The following CFHR1 variants were observed in gnomAD, a reference collection of about 807,000 sequenced individuals.
CFHR1 encodes complement factor H-related protein 1.
CFHR1 carries 22 observed loss-of-function variants against 30.4 expected under a neutral mutation model. The ratio of observed to expected loss-of-function variants is 0.72; its 90% confidence interval spans 0.52 to 1.03. CFHR1 has a LOEUF of 1.03. CFHR1 is among the 50% of genes least tolerant of loss of function. The pLI is 0.00. For missense variants in CFHR1, 248 were observed against 380.6 expected, an observed-to-expected ratio of 0.65 and a Z score of 2.90; for synonymous variants, 95 against 129.1, an observed-to-expected ratio of 0.74 and a Z score of 1.79.
rs1655465787 is a variant in CFHR1 at position 196,829,594 on chromosome 1, A to C, written c.608-906A>C. Among the ~76,000 whole-genome samples, 2 of 134,866 alleles carry C rather than the reference A, an allele frequency of 1.5e-5. 1 individual carries two copies. The highest frequency in any genetic ancestry group is 1.4e-4 in the Admixed American group (2 of 14,046). 88.5% of individuals were successfully genotyped at this position (134,866 alleles called of 152,430 possible). On this transcript the variant is annotated intron_variant, in intron 4 of 5. Coordinates refer to ENST00000320493, the MANE Select transcript of CFHR1 (RefSeq NM_002113.3). Reference sequence around the variant, plus strand: ...TAAAAGATCGTGTCACTGGATATCAAATTTGGAGTTGACAGTTCTTTGAAC... The same window carrying C: ...TAAAAGATCGTGTCACTGGATATCACATTTGGAGTTGACAGTTCTTTGAAC...
intron 1 of CFHR1, among the ~76,000 whole-genome samples, chr1:196,822,630 G>A (rs385537): frequency 0.49 from 65,656 of 133,068 alleles, 22,677 homozygotes; most frequent in African/African-American, 0.66. Context: ...TTGTCCCACT[G>A]GAAGGTCTTC....
At chr1:196,824,216 T>C (rs1352626030) in intron 1 of CFHR1, among the ~76,000 whole-genome samples, 3 of 133,518 alleles carry the variant, frequency 2.2e-5, no homozygotes, top group Non-Finnish European at 4.7e-5. Flanking sequence ...GTAGTATTTG[T>C]ACATAACCTG....
intron 5 of CFHR1, among the ~76,000 whole-genome samples, chr1:196,830,990 G>A (rs367626): frequency 0.47 from 61,030 of 130,052 alleles, 20,234 homozygotes; most frequent in African/African-American, 0.58. Context: ...AATAATAACC[G>A]GCATGGTGAC....
In CFHR1 at chr1:196,825,196, G is replaced by A. The variant is rs544058688; in HGVS notation, c.59-281G>A. On this transcript the variant is annotated intron_variant, in intron 1 of 5. Coordinates refer to ENST00000320493, the MANE Select transcript of CFHR1 (RefSeq NM_002113.3). The stretch of plus-strand genomic sequence containing the variant: ...ACTCTGTCTTCATTCTTAAATTGTT[G>A]TGTGTGGGTTTTATTCTTGAAGACA... 51 of 290,060 alleles carry A rather than the reference G, an allele frequency of 1.8e-4. 7 individuals carry two copies. Among genetic ancestry groups the A allele is most frequent in the Middle Eastern group, 2.6e-3 (2 of 760 alleles). 18.0% of individuals were successfully genotyped at this position (290,060 alleles called of 1,614,324 possible). A position where few individuals can be genotyped will look rare whatever the true frequency, so the allele number is the denominator to read the frequency against.
intron 3 of CFHR1, among the ~76,000 whole-genome samples, chr1:196,827,214 C>A (rs1310612243): frequency 7.4e-6 from 1 of 135,228 alleles, no homozygotes; most frequent in East Asian, 2.0e-4. Flanking sequence ...GTCGCTAAAC[C>A]GGTAGCATCA....
intron 4 of CFHR1, among the ~76,000 whole-genome samples, chr1:196,830,036 C>T (rs1655482479): frequency 7.4e-6 from 1 of 134,902 alleles, no homozygotes; most frequent in Admixed American, 7.1e-5. Flanking sequence ...ATTTGTCTGT[C>T]AGCTCCCCAT....
chr1:196,823,948 C>A (rs1406619835), intron 1 of CFHR1, among the ~76,000 whole-genome samples: 1 of 133,860 alleles, frequency 7.5e-6, no homozygotes, highest in Non-Finnish European at 1.6e-5. Context: ...TGTGAAAAAC[C>A]TGTAAATAAA....
In CFHR1 at chr1:196,825,804, C is replaced by T. The variant is rs1480378266; in HGVS notation, c.253+133C>T. On this transcript the variant is annotated intron_variant, in intron 2 of 5. Transcript: ENST00000320493. ...GCTGGAAAGATGGGAGATGTAGTCC[C>T]CCTATTTTGAGATGCCTCCTATAAG... 21 of 912,948 alleles carry T rather than the reference C, an allele frequency of 2.3e-5. 1 individual carries two copies. Among genetic ancestry groups the T allele is most frequent in the Non-Finnish European group, 2.9e-5 (18 of 611,734 alleles). 56.6% of individuals were successfully genotyped at this position (912,948 alleles called of 1,614,324 possible). A position where few individuals can be genotyped will look rare whatever the true frequency, so the allele number is the denominator to read the frequency against.
rs1311216174 is a variant in CFHR1, at chr1:196,821,769, AT to A, written c.58+1868del. Among the ~76,000 whole-genome samples, 23 of 96,614 alleles carry A rather than the reference AT, an allele frequency of 2.4e-4. 5 individuals carry two copies. Among genetic ancestry groups the A allele is most frequent in the Middle Eastern group, 0.01 (2 of 200 alleles). The allele number at this position is 96,614 out of a possible 152,430, so 63.4% of individuals were successfully genotyped here. The stretch of plus-strand genomic sequence containing the variant: ...TGTGTGTGTGTGTGTGTGTGTGTGT[AT>A]AAACAGTCATGCATCACTTAATGAT... On this transcript the variant is annotated intron_variant, in intron 1 of 5. Coordinates refer to ENST00000320493, the MANE Select transcript of CFHR1 (RefSeq NM_002113.3).
Position 196,832,158 on chromosome 1 carries a change from T to G in CFHR1, c.*159T>G. ...AAGCTGAGACCGGTGGCTCTCTTCT[T>G]AAAAGCACCATATTAAAACTTGGAA... On this transcript the variant is annotated 3_prime_UTR_variant, in exon 6 of 6. Coordinates refer to ENST00000320493, the MANE Select transcript of CFHR1 (RefSeq NM_002113.3). 2 of 734,554 alleles carry G rather than the reference T, an allele frequency of 2.7e-6. 1 individual carries two copies. Among genetic ancestry groups the G allele is most frequent in the Non-Finnish European group, 4.3e-6 (2 of 465,184 alleles). 45.5% of individuals were successfully genotyped at this position (734,554 alleles called of 1,614,324 possible).
chr1:196,824,308 A>T lies in CFHR1; in HGVS notation c.59-1169A>T, dbSNP rs1405136824. ...TCTTGCTCTGTCGCCCCCAGGCTCG[A>T]GTTTAGTGGCATGATCTCCGCTCAC... On this transcript the variant is annotated intron_variant, in intron 1 of 5. Transcript: ENST00000320493. 6.8e-5 allele frequency among the ~76,000 whole-genome samples: 9 copies of T among 132,610 alleles called. 1 individual carries two copies. Among genetic ancestry groups the T allele is most frequent in the African/African-American group, 9.9e-5 (3 of 30,394 alleles). 87.0% of individuals were successfully genotyped at this position (132,610 alleles called of 152,430 possible). A position where few individuals can be genotyped will look rare whatever the true frequency, so the allele number is the denominator to read the frequency against.
intron 4 of CFHR1, 72 bp downstream of exon 4, chr1:196,828,318 T>C (rs1171888746): frequency 1.9e-6 from 2 of 1,056,232 alleles, no homozygotes; most frequent in Non-Finnish European, 2.6e-6. Context: ...TTAAACAAAA[T>C]GAAGTCATTT....
In CFHR1 at chr1:196,830,410, T is replaced by C. The variant is rs112781585; in HGVS notation, c.608-90T>C. 6,855 of 1,329,318 alleles carry C rather than the reference T, an allele frequency of 5.2e-3. 1,937 individuals are homozygous for C. In the African/African-American group the frequency reaches 0.11, roughly 22 times the overall value. The allele number at this position is 1,329,318 out of a possible 1,614,324, so 82.3% of individuals were successfully genotyped here. On this transcript the variant is annotated intron_variant, in intron 4 of 5. Transcript: ENST00000320493. The stretch of plus-strand genomic sequence containing the variant: ...AGAAATCACAAAACTGTTGATATTA[T>C]ATAAAGTGCTGTGTTTGTATTTGCC...
At chr1:196,827,981 T>A (rs1300612009) in intron 3 of CFHR1, 89 bp from the exon 4 acceptor site, 1 of 1,147,928 alleles carries the variant, frequency 8.7e-7, no homozygotes, top group Non-Finnish European at 1.2e-6. Context: ...TTATTTTAAA[T>A]TCGTCTTGAA....
chr1:196,825,022 C>T lies in CFHR1; in HGVS notation c.59-455C>T, dbSNP rs1244768832. Among the ~76,000 whole-genome samples the T allele has an allele frequency of 5.4e-5, 7 of 129,002 alleles. No individual in the cohort carries two copies. The East Asian group carries it at 1.4e-3, about 26-fold the overall frequency. 84.6% of individuals were successfully genotyped at this position (129,002 alleles called of 152,430 possible). Reference sequence around the variant, plus strand: ...AACTACATATCCAACATCTTTACTGCACCAGAAAAAAAAATAGGACAGAGT... The same window carrying T: ...AACTACATATCCAACATCTTTACTGTACCAGAAAAAAAAATAGGACAGAGT... On this transcript the variant is annotated intron_variant, in intron 1 of 5. Coordinates refer to ENST00000320493, the MANE Select transcript of CFHR1 (RefSeq NM_002113.3).
rs147383478 is a variant in CFHR1 at position 196,825,596 on chromosome 1, G to T, written c.178G>T (p.Val60Leu). 1 of 1,524,846 alleles carries T rather than the reference G, an allele frequency of 6.6e-7. No homozygotes were observed. Among genetic ancestry groups the T allele is most frequent in the Non-Finnish European group, 8.9e-7 (1 of 1,129,006 alleles). 94.5% of individuals were successfully genotyped at this position (1,524,846 alleles called of 1,614,324 possible). A position where few individuals can be genotyped will look rare whatever the true frequency, so the allele number is the denominator to read the frequency against. ...CTATTACTCCTGTGAATATAATTTT[G>T]TGTCTCCTTCAAAATCATTTTGGAC... ...VFYYSCEYNF[V>L]SPSKSFWTRI... Residue 60 changes from valine (V) to leucine (L), a missense_variant, in exon 2 of 6, where the codon GTG becomes TTG. Around this residue, in one of 3 missense-constraint regions of CFHR1, gnomAD observed 121 missense variants for 162.6 expected, o/e 0.74. Coordinates refer to ENST00000320493, the MANE Select transcript of CFHR1 (RefSeq NM_002113.3).
At chr1:196,823,390 A>G (rs1655199580) in intron 1 of CFHR1, among the ~76,000 whole-genome samples, 1 of 134,980 alleles carries the variant, frequency 7.4e-6, no homozygotes, top group Non-Finnish European at 1.6e-5. Context: ...GTACAAATGT[A>G]TGAAAATAAA....
chr1:196,823,845 G>T (rs10754204), intron 1 of CFHR1, among the ~76,000 whole-genome samples: 34,575 of 132,742 alleles, frequency 0.26, 9,075 homozygotes, highest in East Asian at 0.41. Context: ...ATGAACTTTG[G>T]GTGGTAATTA....
rs753010387 is a variant in CFHR1, at chr1:196,826,900, A to G, written c.325A>G (p.Thr109Ala). Residue 109 changes from threonine to alanine, a missense_variant, in exon 3 of 6, where the codon ACT (threonine) becomes GCT (alanine). Coordinates refer to ENST00000320493, the MANE Select transcript of CFHR1 (RefSeq NM_002113.3). ...SSGQTHLEGD[T>A]VQIICNTGYR... is the part of the protein sequence containing the mutation. ...AGGACAAACACATCTGGAAGGTGATACTGTGCAAATTATTTGCAACACAGG... is the reference window on the plus strand; with the variant it reads ...AGGACAAACACATCTGGAAGGTGATGCTGTGCAAATTATTTGCAACACAGG... 6.6e-7 allele frequency: 1 copy of G among 1,525,192 alleles called. No homozygotes were observed. Among genetic ancestry groups the G allele is most frequent in the Admixed American group, 1.7e-5 (1 of 58,024 alleles). The allele number at this position is 1,525,192 out of a possible 1,614,324, so 94.5% of individuals were successfully genotyped here.
Sources: allele counts gnomAD v4.1 joint callset (sites outside exome capture counted in the v4.1 genomes callset), GRCh38; gene constraint gnomAD v4.1.1; regional missense constraint gnomAD v4.1.1; transcripts MANE v1.5; gene names NCBI Gene and HGNC (gene_info 2026-07-23, HGNC 2026-07-21).